The following TPST1 variants were observed in gnomAD, a reference collection of about 807,000 sequenced individuals.
TPST1 encodes tyrosylprotein sulfotransferase 1, also known as protein-tyrosine sulfotransferase 1.
In TPST1, 20 loss-of-function variants were observed where a neutral mutation model predicts 34.8. The observed-to-expected ratio is 0.57, with a 90% CI of 0.40 to 0.84. The LOEUF is 0.84. TPST1 is among the 40% of genes least tolerant of loss of function. TPST1 has a pLI of 0.00. For missense variants in TPST1, 353 were observed against 455.5 expected, an observed-to-expected ratio of 0.78 and a Z score of 2.05; for synonymous variants, 152 against 159.4, an observed-to-expected ratio of 0.95 and a Z score of 0.35.
intron 3 of TPST1, among the ~76,000 whole-genome samples, chr7:66,321,590 C>T (rs1378497782): frequency 6.6e-6 from 1 of 152,210 alleles, no homozygotes; most frequent in Non-Finnish European, 1.5e-5. Flanking sequence ...AGTTAATAAA[C>T]TTTTCCAGCA....
At chr7:66,225,446 T>C (rs1232221005) in intron 1 of TPST1, among the ~76,000 whole-genome samples, 1 of 151,712 alleles carries the variant, frequency 6.6e-6, no homozygotes, top group Non-Finnish European at 1.5e-5. Context: ...ACCTCATCTC[T>C]ACTAAAAATA....
At chr7:66,227,109 C>T (rs539327558) in intron 1 of TPST1, among the ~76,000 whole-genome samples, 1 of 135,698 alleles carries the variant, frequency 7.4e-6, no homozygotes, top group African/African-American at 2.8e-5. Context: ...TCTCAACTCA[C>T]TGCAACCTCC....
At chr7:66,219,990 G>T (rs1256916467) in intron 1 of TPST1, among the ~76,000 whole-genome samples, 3 of 152,072 alleles carry the variant, frequency 2.0e-5, no homozygotes, top group Non-Finnish European at 4.4e-5. Flanking sequence ...TGATGATAGA[G>T]GCAGATGAAA....
intron 2 of TPST1, among the ~76,000 whole-genome samples, chr7:66,254,188 A>T (rs1017551514): frequency 1.3e-5 from 2 of 152,066 alleles, no homozygotes; most frequent in Non-Finnish European, 2.9e-5. Context: ...CCTGTAGGTA[A>T]TTTGGGGGAG....
intron 3 of TPST1, among the ~76,000 whole-genome samples, chr7:66,293,266 T>C (rs1791124741): frequency 1.3e-5 from 2 of 151,852 alleles, no homozygotes; most frequent in South Asian, 4.2e-4. Flanking sequence ...TTCAGCACTT[T>C]GGAAGGCCGA....
At chr7:66,309,632 C>T (rs1412375773) in intron 3 of TPST1, among the ~76,000 whole-genome samples, 1 of 152,132 alleles carries the variant, frequency 6.6e-6, no homozygotes, top group Non-Finnish European at 1.5e-5. Context: ...TAGGGAGGGC[C>T]ACTGGATATA....
chr7:66,274,047 G>A (rs538871425), intron 2 of TPST1, among the ~76,000 whole-genome samples: 1 of 149,252 alleles, frequency 6.7e-6, no homozygotes, highest in Admixed American at 6.6e-5. Context: ...ATGTTGGCCA[G>A]GCTGGTCTTG....
intron 2 of TPST1, among the ~76,000 whole-genome samples, chr7:66,267,262 A>T (rs1198762250): frequency 6.6e-6 from 1 of 152,226 alleles, no homozygotes; most frequent in Non-Finnish European, 1.5e-5. Flanking sequence ...CATTTTAGCC[A>T]ATGTTTAAAT....
intron 3 of TPST1, among the ~76,000 whole-genome samples, chr7:66,336,863 A>C (rs1279184213): frequency 2.0e-5 from 3 of 152,204 alleles, no homozygotes; most frequent in African/African-American, 7.2e-5. Flanking sequence ...AGAGAAAAGA[A>C]ATGTGTCCCA....
chr7:66,356,905 T>G (rs1792593547), intron 5 of TPST1, 34 bp downstream of exon 5: 1 of 1,611,726 alleles, frequency 6.2e-7, no homozygotes, highest in East Asian at 2.2e-5. Flanking sequence ...GGTCTTTCTG[T>G]TTCCCACTCG....
At chr7:66,246,360 G>C (rs1210676061) in intron 2 of TPST1, among the ~76,000 whole-genome samples, 1 of 151,632 alleles carries the variant, frequency 6.6e-6, no homozygotes, top group Non-Finnish European at 1.5e-5. Flanking sequence ...GAAGAGAGAA[G>C]TGACTGAGAC....
chr7:66,201,577 G>A (rs1789036163), upstream of TPST1, among the ~76,000 whole-genome samples: 1 of 151,902 alleles, frequency 6.6e-6, no homozygotes, highest in African/African-American at 2.4e-5. Flanking sequence ...TGTAATCCCA[G>A]CTACTCGAGA....
intron 3 of TPST1, among the ~76,000 whole-genome samples, chr7:66,308,939 C>A (rs140640313): frequency 0.029 from 4,396 of 152,274 alleles, 90 homozygotes; most frequent in Non-Finnish European, 0.044. Flanking sequence ...GCTCCTGTTG[C>A]CCAAGCTGGA....
At chr7:66,226,129 C>T (rs964876670) in intron 1 of TPST1, among the ~76,000 whole-genome samples, 5 of 151,988 alleles carry the variant, frequency 3.3e-5, no homozygotes, top group South Asian at 2.1e-4. Context: ...CCTCGTGATC[C>T]GCCCGCCTCA....
chr7:66,358,339 T>A (rs1035677510), intron 5 of TPST1, among the ~76,000 whole-genome samples: 3 of 150,334 alleles, frequency 2.0e-5, no homozygotes, highest in Non-Finnish European at 4.4e-5. Context: ...TTTTTTTTTT[T>A]ATATAATGTT....
intron 3 of TPST1, among the ~76,000 whole-genome samples, chr7:66,295,309 ATG>A (rs1490022395): frequency 6.6e-6 from 1 of 152,156 alleles, no homozygotes; most frequent in East Asian, 1.9e-4. Context: ...AGCCTGGACA[ATG>A]TGGCAAAACC....
intron 3 of TPST1, among the ~76,000 whole-genome samples, chr7:66,330,061 C>G (rs1791965998): frequency 6.6e-6 from 1 of 152,114 alleles, no homozygotes. Context: ...ACACTATACC[C>G]CTGTAACAAA....
At chr7:66,235,573 T>A (rs879627286) in intron 1 of TPST1, among the ~76,000 whole-genome samples, 3 of 151,936 alleles carry the variant, frequency 2.0e-5, no homozygotes, top group Non-Finnish European at 4.4e-5. Flanking sequence ...ATTCCTTTTT[T>A]AAAAAAAAGC....
At chr7:66,285,064 C>A (rs987667875) in intron 2 of TPST1, among the ~76,000 whole-genome samples, 1 of 152,160 alleles carries the variant, frequency 6.6e-6, no homozygotes, top group Non-Finnish European at 1.5e-5. Context: ...TTATTATCTT[C>A]AAGGTAAGCC....
Sources: gnomAD v4.1 joint callset for allele counts (sites outside exome capture counted in the v4.1 genomes callset) on GRCh38, gnomAD v4.1.1 for gene constraint, MANE v1.5 for transcripts, NCBI Gene and HGNC (gene_info 2026-07-23, HGNC 2026-07-21) for gene names.